COMMD2: variants seen among roughly 807,000 people sequenced by gnomAD.
COMMD2 encodes the protein COMM domain containing 2, also known as COMM domain-containing protein 2.
COMMD2 carries 25 observed loss-of-function variants against 22.5 expected under a neutral mutation model. The observed-to-expected ratio is 1.11, with a 90% CI of 0.81 to 1.55. COMMD2 has a LOEUF of 1.55. Ranked by LOEUF, COMMD2 falls within the 40% of genes most tolerant of loss-of-function variation. The pLI, the probability that COMMD2 is intolerant of heterozygous loss-of-function variation, is 0.00. For synonymous variants in COMMD2, 98 were observed against 91.2 expected, an observed-to-expected ratio of 1.07 and a Z score of -0.42; for missense variants, 223 against 232.9, an observed-to-expected ratio of 0.96 and a Z score of 0.28.
intron 4 of COMMD2, among the ~76,000 whole-genome samples, chr3:149,745,026 C>G (rs976907314): frequency 1.3e-5 from 2 of 152,122 alleles, no homozygotes; most frequent in African/African-American, 2.4e-5. Flanking sequence ...AAAAAAAGAA[C>G]TGTTAAAGCC....
intron 2 of COMMD2, 52 bp from the exon 3 acceptor site, chr3:149,751,537 C>A: frequency 7.3e-7 from 1 of 1,378,246 alleles, no homozygotes; most frequent in Non-Finnish European, 9.9e-7. Flanking sequence ...TAGTATTTAT[C>A]TTGTTCATAT....
chr3:149,742,293 C>G (rs145529186), intron 4 of COMMD2, among the ~76,000 whole-genome samples: 215 of 152,226 alleles, frequency 1.4e-3, no homozygotes, highest in African/African-American at 5.1e-3. Flanking sequence ...CCTGTTCATA[C>G]CAAGCATTGC....
At position 149,738,513 on chromosome 3, in the gene COMMD2, C is replaced by A. The variant is rs933823920; in HGVS notation, c.*3008G>T. On this transcript the variant is annotated 3_prime_UTR_variant, in exon 5 of 5. Transcript: ENST00000473414. ...AACATTTATTGAGTTCTTTGTAAAGCCTGGTACTATGTTAAACATTCTATA... is the reference window on the plus strand; with the variant it reads ...AACATTTATTGAGTTCTTTGTAAAGACTGGTACTATGTTAAACATTCTATA... The A allele has an allele frequency of 6.6e-6, 1 of 151,878 alleles. No homozygotes were observed. Among genetic ancestry groups the A allele is most frequent in the Non-Finnish European group, 1.5e-5 (1 of 67,912 alleles). The allele number at this position is 151,878 out of a possible 1,614,324, so 9.4% of individuals were successfully genotyped here.
chr3:149,749,018 C>CT (rs776015779), intron 4 of COMMD2, among the ~76,000 whole-genome samples: 1,856 of 145,072 alleles, frequency 0.013, 29 homozygotes, highest in African/African-American at 0.038. Flanking sequence ...GTCTCTCTCT[C>CT]TTTTTTTTTT....
At chr3:149,748,393 A>G (rs987156004) in intron 4 of COMMD2, among the ~76,000 whole-genome samples, 27 of 152,244 alleles carry the variant, frequency 1.8e-4, no homozygotes, top group Admixed American at 8.5e-4. Context: ...AAGAGAATAT[A>G]TAAGACATGC....
intron 3 of COMMD2, 68 bp downstream of exon 3, chr3:149,751,335 T>C: frequency 5.6e-6 from 9 of 1,610,044 alleles, no homozygotes; most frequent in Non-Finnish European, 6.8e-6. Flanking sequence ...GCCAGGACTA[T>C]GATGTAGAGT....
chr3:149,741,475 A>G lies in COMMD2; in HGVS notation c.*46T>C, dbSNP rs879437143. 8 of 1,435,762 alleles carry G rather than the reference A, an allele frequency of 5.6e-6. No individual in the cohort carries two copies. The highest frequency in any genetic ancestry group is 6.9e-6 in the Non-Finnish European group (7 of 1,018,570). 88.9% of individuals were successfully genotyped at this position (1,435,762 alleles called of 1,614,324 possible). ...TTTTGAAAAGTAATTGCTGTATATC[A>G]TCAATTCATAAGTGATTCAAATGAA... On this transcript the variant is annotated 3_prime_UTR_variant, in exon 5 of 5. Coordinates refer to ENST00000473414, the MANE Select transcript of COMMD2 (RefSeq NM_016094.4).
intron 4 of COMMD2, among the ~76,000 whole-genome samples, chr3:149,741,929 A>C (rs1273251193): frequency 6.6e-6 from 1 of 152,170 alleles, no homozygotes; most frequent in Non-Finnish European, 1.5e-5. Context: ...ACATGATATA[A>C]AAGGCTCAAA....
At chr3:149,748,475 T>C (rs1434248215) in intron 4 of COMMD2, among the ~76,000 whole-genome samples, 1 of 151,972 alleles carries the variant, frequency 6.6e-6, no homozygotes, top group African/African-American at 2.4e-5. Flanking sequence ...CAGCTACATA[T>C]AAGTGAGATG....
chr3:149,745,989 C>T (rs185019026), intron 4 of COMMD2, among the ~76,000 whole-genome samples: 19 of 152,288 alleles, frequency 1.2e-4, no homozygotes, highest in African/African-American at 4.1e-4. Flanking sequence ...CCAATGAGAT[C>T]CAGTTCAGAT....
rs749538024 is a variant in COMMD2 at position 149,750,797 on chromosome 3, A to C, written c.283T>G (p.Leu95Val). Residue 95 changes from leucine to valine, a missense_variant, in exon 4 of 5, where the codon TTA becomes GTA. Physicochemically the swap from Leu to Val is conservative, Grantham distance 32. Coordinates refer to ENST00000473414, the MANE Select transcript of COMMD2 (RefSeq NM_016094.4). ...TAAAGCTGAAGCAACAATTTGTTTAATTCTTCAGAGAATCCCAGAACAAAA... is the reference window on the plus strand; with the variant it reads ...TAAAGCTGAAGCAACAATTTGTTTACTTCTTCAGAGAATCCCAGAACAAAA... ...SVFVLGFSEE[L>V]NKLLLQLYLD... The C allele has an allele frequency of 6.2e-7, 1 of 1,605,756 alleles. No individual in the cohort carries two copies. Among genetic ancestry groups the C allele is most frequent in the Non-Finnish European group, 8.5e-7 (1 of 1,174,790 alleles).
In COMMD2 at chr3:149,751,434, G is replaced by A. The variant is rs753777159; in HGVS notation, c.197C>T (p.Thr66Met). 5.6e-6 allele frequency: 9 copies of A among 1,613,946 alleles called. No homozygotes were observed. Among genetic ancestry groups the A allele is most frequent in the South Asian group, 3.3e-5 (3 of 91,090 alleles). Reference protein sequence around the residue: ...DTVQHGVEGLTYLLTESSKLM... With the variant: ...DTVQHGVEGLMYLLTESSKLM... ...CTTTGAGCTCTCAGTGAGGAGATAC[G>A]TTAATCCTTCCACACCATGCTGGAC... The change falls in exon 3 of 5, where the codon ACG (threonine) becomes ATG (methionine). Residue 66 changes from threonine to methionine, a missense_variant. By Grantham distance (81) the Thr-to-Met change is moderately conservative. Coordinates refer to ENST00000473414, the MANE Select transcript of COMMD2 (RefSeq NM_016094.4).
chr3:149,748,501 A>G (rs1274120369), intron 4 of COMMD2, among the ~76,000 whole-genome samples: 1 of 152,244 alleles, frequency 6.6e-6, no homozygotes, highest in Non-Finnish European at 1.5e-5. Context: ...CCAAAAGAGG[A>G]AGCACAGGTG....
Position 149,739,997 on chromosome 3 carries a change from C to T in COMMD2, c.*1524G>A, listed in dbSNP as rs900742022. On this transcript the variant is annotated 3_prime_UTR_variant, in exon 5 of 5. Coordinates refer to ENST00000473414, the MANE Select transcript of COMMD2 (RefSeq NM_016094.4). Reference sequence around the variant, plus strand: ...AAAGAGATTGCAACATGGTATCACTCTGATATGAAAATCCCTAATTCTTAC... The same window carrying T: ...AAAGAGATTGCAACATGGTATCACTTTGATATGAAAATCCCTAATTCTTAC... The T allele has an allele frequency of 1.3e-5, 2 of 152,194 alleles. No homozygotes were observed. Among genetic ancestry groups the T allele is most frequent in the Non-Finnish European group, 2.9e-5 (2 of 68,036 alleles). The allele number at this position is 152,194 out of a possible 1,614,324, so 9.4% of individuals were successfully genotyped here. A position where few individuals can be genotyped will look rare whatever the true frequency, so the allele number is the denominator to read the frequency against.
chr3:149,747,801 G>T (rs1391907148), intron 4 of COMMD2, among the ~76,000 whole-genome samples: 1 of 151,980 alleles, frequency 6.6e-6, no homozygotes, highest in Non-Finnish European at 1.5e-5. Context: ...GCTAGGCATG[G>T]TGGCACATGC....
At chr3:149,751,583 G>A in intron 2 of COMMD2, 98 bp from the exon 3 acceptor site, 10 of 1,092,930 alleles carry the variant, frequency 9.1e-6, no homozygotes, top group Non-Finnish European at 1.3e-5. Flanking sequence ...ATTATTACAT[G>A]TTTTCAAACA....
intron 4 of COMMD2, among the ~76,000 whole-genome samples, chr3:149,744,589 T>C (rs935099987): frequency 9.2e-5 from 14 of 152,184 alleles, no homozygotes; most frequent in Non-Finnish European, 1.9e-4. Flanking sequence ...GCATAATAAT[T>C]AGGTGGTAAT....
At chr3:149,751,713 G>A in intron 2 of COMMD2, 1 of 387,604 alleles carries the variant, frequency 2.6e-6, no homozygotes. Context: ...GTGGAGACTA[G>A]TATCAGGTGC....
At chr3:149,752,065 C>T (rs1165776572) in intron 2 of COMMD2, 145 bp downstream of exon 2, 1 of 655,744 alleles carries the variant, frequency 1.5e-6, no homozygotes, top group African/African-American at 1.8e-5. Flanking sequence ...GATTTGCACC[C>T]TGACTGAAGA....
Sources: gnomAD v4.1 joint callset for allele counts (sites outside exome capture counted in the v4.1 genomes callset) on GRCh38, gnomAD v4.1.1 for gene constraint, MANE v1.5 for transcripts, NCBI Gene and HGNC (gene_info 2026-07-23, HGNC 2026-07-21) for gene names.